The following MPHOSPH9 variants were observed in gnomAD, a reference collection of about 807,000 sequenced individuals.
MPHOSPH9 encodes M-phase phosphoprotein 9.
MPHOSPH9 carries 88 observed loss-of-function variants against 145.5 expected under a neutral mutation model. The ratio of observed to expected loss-of-function variants is 0.60; its 90% CI spans 0.51 to 0.72. The LOEUF (loss-of-function observed/expected upper bound fraction) is 0.72, where lower values mean the gene tolerates loss of function less well. MPHOSPH9 is among the 30% of genes least tolerant of loss of function. MPHOSPH9 has a pLI of 0.00. For synonymous variants in MPHOSPH9, 435 were observed against 486.2 expected (o/e 0.89, Z 1.39); for missense variants, 1,238 against 1,386.6 (o/e 0.89, Z 1.70).
chr12:123,178,048 T>A (rs2138065233), intron 15 of MPHOSPH9, among the ~76,000 whole-genome samples: 1 of 152,242 alleles, frequency 6.6e-6, no homozygotes, highest in South Asian at 2.1e-4. Flanking sequence ...TGTTCTTTTT[T>A]CCCCCCTTTA....
At chr12:123,169,051 AT>A (rs1412605483) in intron 16 of MPHOSPH9, among the ~76,000 whole-genome samples, 1 of 151,512 alleles carries the variant, frequency 6.6e-6, no homozygotes, top group Non-Finnish European at 1.5e-5. Flanking sequence ...CGCCCGGCTA[AT>A]TTTTTGTGTT....
intron 17 of MPHOSPH9, 88 bp downstream of exon 17, chr12:123,166,565 AAG>A: frequency 7.0e-7 from 1 of 1,434,070 alleles, no homozygotes; most frequent in Non-Finnish European, 9.6e-7. Flanking sequence ...TAAAGAACCA[AAG>A]AGAGGGCTTC....
upstream of MPHOSPH9, chr12:123,233,705 C>G (rs2047772670): frequency 6.6e-6 from 1 of 152,228 alleles, no homozygotes; most frequent in South Asian, 2.1e-4. Flanking sequence ...CCGTGACACC[C>G]GAGCTCAGTT....
rs903921124 is a variant in MPHOSPH9 at position 123,169,604 on chromosome 12, A to AT, written c.2457-2816dup. On this transcript the variant is annotated intron_variant, in intron 16 of 23. Coordinates refer to ENST00000606320, the MANE Select transcript of MPHOSPH9 (RefSeq NM_022782.4). ...TTTAATAAATGCTAAGATCTTGCCA[A>AT]TTTTTTTTTTTCTTGAGATGGAGTT... 1.4e-3 allele frequency among the ~76,000 whole-genome samples: 209 copies of AT among 148,076 alleles called. 1 individual carries two copies. Among genetic ancestry groups the AT allele is most frequent in the African/African-American group, 4.2e-3 (169 of 40,686 alleles).
intron 7 of MPHOSPH9, among the ~76,000 whole-genome samples, chr12:123,211,986 C>T (rs903168185): frequency 2.0e-5 from 3 of 152,114 alleles, no homozygotes; most frequent in African/African-American, 7.2e-5. Flanking sequence ...TGAGCCACCA[C>T]GCCCAGCTGA....
chr12:123,177,492 C>T (rs1225814241), intron 15 of MPHOSPH9, among the ~76,000 whole-genome samples: 1 of 151,966 alleles, frequency 6.6e-6, no homozygotes, highest in Non-Finnish European at 1.5e-5. Flanking sequence ...GCCGTTATCA[C>T]ACCACTTTAC....
At chr12:123,234,471 C>T (rs187826251), upstream of MPHOSPH9, among the ~76,000 whole-genome samples, 15 of 152,316 alleles carry the variant, frequency 9.8e-5, no homozygotes, top group African/African-American at 3.6e-4. Context: ...TCTCGGCTCA[C>T]TTTAACCTCT....
chr12:123,228,585 G>A (rs2047519984), intron 2 of MPHOSPH9, among the ~76,000 whole-genome samples: 1 of 152,126 alleles, frequency 6.6e-6, no homozygotes, highest in African/African-American at 2.4e-5. Flanking sequence ...CCAATCAGGA[G>A]GCTGAGGCAG....
intron 11 of MPHOSPH9, among the ~76,000 whole-genome samples, chr12:123,198,586 G>A (rs897738859): frequency 6.6e-6 from 1 of 151,984 alleles, no homozygotes; most frequent in African/African-American, 2.4e-5. Flanking sequence ...GAGGCAGGCA[G>A]ATCACTTGAG....
At chr12:123,204,502 C>A (rs985523769) in intron 8 of MPHOSPH9, among the ~76,000 whole-genome samples, 34 of 151,924 alleles carry the variant, frequency 2.2e-4, no homozygotes, top group Non-Finnish European at 4.4e-4. Flanking sequence ...GAAAATAAGT[C>A]CCCCCCACCC....
Position 123,221,666 on chromosome 12 carries a change from C to T in MPHOSPH9, c.578G>A (p.Cys193Tyr), listed in dbSNP as rs765567491. The T allele has an allele frequency of 1.9e-6, 3 of 1,613,968 alleles. No homozygotes were observed. Among genetic ancestry groups the T allele is most frequent in the Non-Finnish European group, 8.5e-7 (1 of 1,180,016 alleles). Residue 193 changes from cysteine (C) to tyrosine (Y), a missense_variant, in exon 5 of 24, where the codon TGC becomes TAC. Coordinates refer to ENST00000606320, the MANE Select transcript of MPHOSPH9 (RefSeq NM_022782.4). ...TSQPDCNVDS[C>Y]SVSSGYGTFC... ...GGTGCCATATCCACTGCTTACTGAG[C>T]AACTATCCACATTGCAGTCTGGTTG... is the stretch of plus-strand genomic sequence containing the variant.
intron 20 of MPHOSPH9, 37 bp downstream of exon 20, chr12:123,162,977 T>A: frequency 6.6e-7 from 1 of 1,514,280 alleles, no homozygotes; most frequent in Non-Finnish European, 8.8e-7. Context: ...AAATCACTAA[T>A]ATAGTAAACT....
chr12:123,227,358 G>A, intron 3 of MPHOSPH9, 105 bp downstream of exon 3: 2 of 830,422 alleles, frequency 2.4e-6, no homozygotes, highest in African/African-American at 1.7e-5. Flanking sequence ...TAACTTAAAA[G>A]TGTCATGCTC....
chr12:123,210,547 G>A (rs1330192763), intron 7 of MPHOSPH9, among the ~76,000 whole-genome samples: 3 of 151,854 alleles, frequency 2.0e-5, no homozygotes, highest in Non-Finnish European at 4.4e-5. Context: ...CCAAAAATCA[G>A]CCAGGTGTGG....
chr12:123,174,200 C>T (rs759783320), intron 16 of MPHOSPH9, among the ~76,000 whole-genome samples: 2 of 152,114 alleles, frequency 1.3e-5, no homozygotes, highest in African/African-American at 4.8e-5. Flanking sequence ...CACTCAATAC[C>T]GGTGGCTGCT....
chr12:123,202,792 G>A lies in MPHOSPH9; in HGVS notation c.1613C>T (p.Ser538Leu). The A allele has an allele frequency of 1.2e-6, 2 of 1,614,176 alleles. No homozygotes were observed. Among genetic ancestry groups the A allele is most frequent in the Non-Finnish European group, 1.7e-6 (2 of 1,180,050 alleles). Residue 538 changes from serine to leucine, a missense_variant, in exon 10 of 24, where the codon TCA (serine) becomes TTA (leucine). Coordinates refer to ENST00000606320, the MANE Select transcript of MPHOSPH9 (RefSeq NM_022782.4). The part of the protein sequence containing the change: ...NESRTSSTFP[S>L]VYTITSNDIS... ...ATCATTACTAGTAATGGTATATACT[G>A]ACGGAAACGTGGAACTGGTCCTACT...
Position 123,189,336 on chromosome 12 carries a change from C to T in MPHOSPH9, c.2241+5050G>A, listed in dbSNP as rs567705335. The stretch of plus-strand genomic sequence containing the variant: ...TCCCTGCTGGGCCCAGTGCAAGCTC[C>T]TGAACAACAGAGTCCACGAACAGAA... On this transcript the variant is annotated intron_variant, in intron 13 of 23. Transcript: ENST00000606320. Among the ~76,000 whole-genome samples, 50 of 152,240 alleles carry T rather than the reference C, an allele frequency of 3.3e-4. No individual in the cohort carries two copies. The South Asian group carries it at 0.01, about 31-fold the overall frequency.
intron 13 of MPHOSPH9, among the ~76,000 whole-genome samples, chr12:123,193,440 A>G (rs2045798288): frequency 6.6e-6 from 1 of 152,108 alleles, no homozygotes; most frequent in African/African-American, 2.4e-5. Context: ...TCAACAGCCT[A>G]AATACTTTCA....
At chr12:123,192,036 G>A (rs1282887403) in intron 13 of MPHOSPH9, among the ~76,000 whole-genome samples, 2 of 151,970 alleles carry the variant, frequency 1.3e-5, no homozygotes, top group Non-Finnish European at 2.9e-5. Flanking sequence ...AAGGAAAGAG[G>A]GAAGCTCCTT....
Sources: allele counts gnomAD v4.1 joint callset (sites outside exome capture counted in the v4.1 genomes callset), GRCh38; gene constraint gnomAD v4.1.1; transcripts MANE v1.5; gene names NCBI Gene and HGNC (gene_info 2026-07-23, HGNC 2026-07-21).